NXPH1: variants seen among roughly 807,000 people sequenced by gnomAD.
NXPH1 encodes neurexophilin 1.
NXPH1 carries 5 observed loss-of-function variants against 23.7 expected under a neutral mutation model. The ratio of observed to expected loss-of-function variants is 0.21; its 90% CI spans 0.11 to 0.44. The LOEUF (loss-of-function observed/expected upper bound fraction) is 0.44. Among genes scored for constraint, NXPH1 ranks in the 20% least tolerant of loss-of-function variants. NXPH1 has a pLI of 0.99. For missense variants in NXPH1, 324 were observed against 321.6 expected (o/e 1.01, Z -0.06); for synonymous variants, 144 against 122.2 (o/e 1.18, Z -1.18).
At chr7:8,599,874 C>A (rs575165645) in intron 2 of NXPH1, among the ~76,000 whole-genome samples, 1 of 148,564 alleles carries the variant, frequency 6.7e-6, no homozygotes, top group African/African-American at 2.5e-5. Context: ...TAATTTTCAT[C>A]TTTAGTCATT....
intron 2 of NXPH1, among the ~76,000 whole-genome samples, chr7:8,615,922 A>C (rs1332687650): frequency 2.6e-5 from 4 of 152,074 alleles, no homozygotes. Flanking sequence ...TAAGAGGTAA[A>C]CAGGTGAAGC....
At chr7:8,696,063 C>T (rs767026884) in intron 2 of NXPH1, among the ~76,000 whole-genome samples, 16 of 152,148 alleles carry the variant, frequency 1.1e-4, no homozygotes, top group Non-Finnish European at 2.1e-4. Flanking sequence ...TGCACTGTAA[C>T]TTGTATATTC....
At chr7:8,472,863 C>G (rs899545785) in intron 2 of NXPH1, among the ~76,000 whole-genome samples, 2 of 152,170 alleles carry the variant, frequency 1.3e-5, no homozygotes, top group African/African-American at 4.8e-5. Flanking sequence ...GGTTTTAGCA[C>G]CTAGTCCTGG....
intron 2 of NXPH1, among the ~76,000 whole-genome samples, chr7:8,602,537 C>T (rs1819384146): frequency 6.6e-6 from 1 of 152,142 alleles, no homozygotes; most frequent in Non-Finnish European, 1.5e-5. Context: ...ATCCTCTTTC[C>T]TTTGAATGTT....
At chr7:8,480,038 T>C (rs1273101491) in intron 2 of NXPH1, among the ~76,000 whole-genome samples, 1 of 152,096 alleles carries the variant, frequency 6.6e-6, no homozygotes, top group African/African-American at 2.4e-5. Flanking sequence ...GATAAAACTA[T>C]AAAAAGTGAT....
intron 2 of NXPH1, among the ~76,000 whole-genome samples, chr7:8,562,312 G>C (rs774163994): frequency 6.6e-6 from 1 of 151,740 alleles, no homozygotes; most frequent in African/African-American, 2.4e-5. Flanking sequence ...CTGTAGGATT[G>C]AGCTAGGCAG....
chr7:8,748,592 C>A (rs963139536), intron 2 of NXPH1, among the ~76,000 whole-genome samples: 1 of 152,180 alleles, frequency 6.6e-6, no homozygotes, highest in African/African-American at 2.4e-5. Flanking sequence ...GTTATCTATT[C>A]TTCCTTCATC....
intron 2 of NXPH1, among the ~76,000 whole-genome samples, chr7:8,593,238 G>A (rs575968724): frequency 3.9e-4 from 58 of 150,558 alleles, no homozygotes; most frequent in African/African-American, 1.3e-3. Flanking sequence ...GGAGGCATTC[G>A]GTAACGGGTT....
chr7:8,711,348 T>G (rs1779792177), intron 2 of NXPH1, among the ~76,000 whole-genome samples: 1 of 152,246 alleles, frequency 6.6e-6, no homozygotes, highest in Non-Finnish European at 1.5e-5. Context: ...TTATTTTTGA[T>G]GTAAAATAGT....
At chr7:8,439,433 G>C (rs1298727330) in intron 2 of NXPH1, among the ~76,000 whole-genome samples, 1 of 152,124 alleles carries the variant, frequency 6.6e-6, no homozygotes, top group East Asian at 1.9e-4. Context: ...AGCACTTTCT[G>C]AGCATGCTAA....
intron 2 of NXPH1, among the ~76,000 whole-genome samples, chr7:8,567,835 T>C (rs1250245081): frequency 6.6e-6 from 1 of 151,844 alleles, no homozygotes; most frequent in Non-Finnish European, 1.5e-5. Context: ...AGGCATGATT[T>C]CACTGGACTA....
chr7:8,699,651 A>G (rs1386205778), intron 2 of NXPH1, among the ~76,000 whole-genome samples: 1 of 152,186 alleles, frequency 6.6e-6, no homozygotes, highest in Non-Finnish European at 1.5e-5. Flanking sequence ...ATTGTGTACT[A>G]TATCAAAGAG....
At chr7:8,464,205 C>A (rs1816740922) in intron 2 of NXPH1, among the ~76,000 whole-genome samples, 1 of 152,150 alleles carries the variant, frequency 6.6e-6, no homozygotes, top group Non-Finnish European at 1.5e-5. Flanking sequence ...CTCCTTCTTT[C>A]TTAGCCATCC....
At chr7:8,748,854 TA>T (rs1780517005) in intron 2 of NXPH1, among the ~76,000 whole-genome samples, 1 of 152,184 alleles carries the variant, frequency 6.6e-6, no homozygotes, top group African/African-American at 2.4e-5. Context: ...AGCTCAGCAT[TA>T]TTAGGAAGAT....
Position 8,524,243 on chromosome 7 carries a change from A to T in NXPH1, c.54+88476A>T, listed in dbSNP as rs1189132077. Among the ~76,000 whole-genome samples the T allele has an allele frequency of 6.0e-5, 5 of 82,964 alleles. No homozygotes were observed. In the East Asian group the frequency reaches 1.8e-3, roughly 31 times the overall value. The allele number at this position is 82,964 out of a possible 152,430, so 54.4% of individuals were successfully genotyped here. ...GGTGACAGAGTGAGACTCTGTCTCA[A>T]AAAAAAAAAAAAAAAAAAAAAGGAA... On this transcript the variant is annotated intron_variant, in intron 2 of 2. Coordinates refer to ENST00000405863, the MANE Select transcript of NXPH1 (RefSeq NM_152745.3).
At chr7:8,602,005 T>C (rs1412398521) in intron 2 of NXPH1, among the ~76,000 whole-genome samples, 4 of 152,216 alleles carry the variant, frequency 2.6e-5, no homozygotes, top group Non-Finnish European at 4.4e-5. Context: ...CAATCTCTTA[T>C]ATATATGTTA....
intron 2 of NXPH1, among the ~76,000 whole-genome samples, chr7:8,602,479 C>G (rs929042201): frequency 5.3e-5 from 8 of 152,256 alleles, no homozygotes; most frequent in African/African-American, 1.7e-4. Context: ...GTTCCTTTGT[C>G]TCAAATGCCC....
At chr7:8,584,010 C>G (rs1818931488) in intron 2 of NXPH1, among the ~76,000 whole-genome samples, 1 of 152,202 alleles carries the variant, frequency 6.6e-6, no homozygotes. Flanking sequence ...TTCTCCCAAA[C>G]TATTAATAAG....
At chr7:8,600,379 G>A (rs1273696380) in intron 2 of NXPH1, among the ~76,000 whole-genome samples, 1 of 152,174 alleles carries the variant, frequency 6.6e-6, no homozygotes, top group Admixed American at 6.5e-5. Context: ...CTGACCCACT[G>A]GCTTCTGGTG....
Sources: allele counts gnomAD v4.1 joint callset (sites outside exome capture counted in the v4.1 genomes callset), GRCh38; gene constraint gnomAD v4.1.1; transcripts MANE v1.5; gene names NCBI Gene and HGNC (gene_info 2026-07-23, HGNC 2026-07-21).